The following KLHL1 variants were observed in gnomAD, a reference collection of about 807,000 sequenced individuals.
The protein encoded by KLHL1 is kelch like family member 1, also known as kelch-like protein 1.
Under a neutral mutation model 77.7 loss-of-function variants are expected in KLHL1, and 47 were observed. That is an observed-to-expected ratio of 0.60 (90% CI 0.48 to 0.77). KLHL1 has a LOEUF of 0.77. KLHL1 is among the 30% of genes least tolerant of loss of function. The probability of loss-of-function intolerance (pLI) is 0.00; values close to 1 mark genes in which losing one functional copy is unlikely to be tolerated. For synonymous variants in KLHL1, 360 were observed against 325.2 expected (o/e 1.11, Z -1.15); for missense variants, 925 against 910.8 (o/e 1.02, Z -0.20).
rs200544811 is a variant in KLHL1, at chr13:70,107,341, A to C, written c.359T>G (p.Phe120Cys). The change falls in exon 1 of 11, where the codon TTC becomes TGC. Residue 120 changes from phenylalanine (F) to cysteine (C), a missense_variant. Transcript: ENST00000377844. ...QGTQQPARTLFYVESLEEEVV... is the reference protein window; with the variant it reads ...QGTQQPARTLCYVESLEEEVV... ...CTCCTCCTCTAGTGACTCCACGTAGAAGAGAGTCCTGGCTGGCTGCTGAGT... is the reference window on the plus strand; with the variant it reads ...CTCCTCCTCTAGTGACTCCACGTAGCAGAGAGTCCTGGCTGGCTGCTGAGT... 6.2e-7 allele frequency: 1 copy of C among 1,614,026 alleles called. No individual in the cohort carries two copies. The highest frequency in any genetic ancestry group is 1.3e-5 in the African/African-American group (1 of 74,904).
chr13:69,994,288 G>C (rs1885095039), intron 1 of KLHL1, among the ~76,000 whole-genome samples: 1 of 152,038 alleles, frequency 6.6e-6, no homozygotes, highest in Non-Finnish European at 1.5e-5. Context: ...CTGAGACTTG[G>C]AGACAATTAG....
At chr13:70,021,972 G>A (rs949625614) in intron 1 of KLHL1, among the ~76,000 whole-genome samples, 1 of 151,902 alleles carries the variant, frequency 6.6e-6, no homozygotes, top group Non-Finnish European at 1.5e-5. Context: ...CTGTTGCAGA[G>A]CAGAAACTTT....
At chr13:69,782,134 T>C (rs1235363365) in intron 7 of KLHL1, among the ~76,000 whole-genome samples, 1 of 148,748 alleles carries the variant, frequency 6.7e-6, no homozygotes. Flanking sequence ...AGCTCTCTCT[T>C]GGAAGATGAA....
intron 1 of KLHL1, among the ~76,000 whole-genome samples, chr13:70,032,282 G>A (rs936506323): frequency 2.6e-5 from 4 of 152,138 alleles, no homozygotes; most frequent in South Asian, 2.1e-4. Flanking sequence ...CAAAATCCCC[G>A]AAGTCCAAAA....
rs115311475 is a variant in KLHL1 at position 69,849,075 on chromosome 13, C to A, written c.1228-9913G>T. 4.5e-3 allele frequency among the ~76,000 whole-genome samples: 688 copies of A among 151,612 alleles called. 11 individuals carry two copies. Among genetic ancestry groups the A allele is most frequent in the African/African-American group, 0.016 (659 of 41,458 alleles). ...GATTTAATTGCATCCGATTTGGGCT[C>A]AGCACTTTTCATTCCTTCATTCCTT... On this transcript the variant is annotated intron_variant, in intron 5 of 10. Transcript: ENST00000377844.
At chr13:69,984,495 G>C (rs896244543) in intron 1 of KLHL1, among the ~76,000 whole-genome samples, 1 of 152,084 alleles carries the variant, frequency 6.6e-6, no homozygotes, top group African/African-American at 2.4e-5. Context: ...AAAAGATTAG[G>C]GTGGGGCAGC....
Position 70,071,901 on chromosome 13 carries a change from A to G in KLHL1, c.497+35302T>C, listed in dbSNP as rs9529677. Among the ~76,000 whole-genome samples, 525 of 152,186 alleles carry G rather than the reference A, an allele frequency of 3.4e-3. 1 individual carries two copies. Among genetic ancestry groups the G allele is most frequent in the Non-Finnish European group, 6.0e-3 (405 of 67,998 alleles). On this transcript the variant is annotated intron_variant, in intron 1 of 10. Coordinates refer to ENST00000377844, the MANE Select transcript of KLHL1 (RefSeq NM_020866.3). Reference sequence around the variant, plus strand: ...ATAATCTATTCTTCAGCCCCCCAAAACTGGAAACAGAAGAGAAAATTAAGC... The same window carrying G: ...ATAATCTATTCTTCAGCCCCCCAAAGCTGGAAACAGAAGAGAAAATTAAGC...
chr13:69,939,359 A>ATATATATACATATACATAC (rs1566424732), intron 4 of KLHL1, among the ~76,000 whole-genome samples: 4 of 91,212 alleles, frequency 4.4e-5, no homozygotes, highest in African/African-American at 1.3e-4. Context: ...ATATATATAT[A>ATATATATACATATACATAC]TATATATATA....
At chr13:69,826,811 T>C (rs1301389472) in intron 6 of KLHL1, among the ~76,000 whole-genome samples, 1 of 152,070 alleles carries the variant, frequency 6.6e-6, no homozygotes, top group African/African-American at 2.4e-5. Flanking sequence ...AGAGAATATA[T>C]GGCTGTGAAA....
intron 7 of KLHL1, among the ~76,000 whole-genome samples, chr13:69,764,309 T>C (rs78415542): frequency 1.3e-5 from 2 of 152,142 alleles, no homozygotes; most frequent in South Asian, 4.1e-4. Flanking sequence ...ATCACTTTCC[T>C]TTTTCTGTAC....
chr13:69,838,890 T>A, intron 6 of KLHL1, 86 bp downstream of exon 6: 1 of 826,120 alleles, frequency 1.2e-6, no homozygotes, highest in Non-Finnish European at 1.7e-6. Context: ...GTTTATGTCA[T>A]TTTTTGTAGT....
chr13:69,858,636 C>A (rs1308845190), intron 5 of KLHL1, among the ~76,000 whole-genome samples: 2 of 151,824 alleles, frequency 1.3e-5, no homozygotes, highest in Non-Finnish European at 2.9e-5. Flanking sequence ...TGAACTATCA[C>A]AATTCACTAA....
At chr13:70,002,172 T>C (rs1885308149) in intron 1 of KLHL1, among the ~76,000 whole-genome samples, 1 of 151,540 alleles carries the variant, frequency 6.6e-6, no homozygotes, top group African/African-American at 2.4e-5. Context: ...AAAATCAATG[T>C]TTATAATGCA....
At position 69,882,332 on chromosome 13, in the gene KLHL1, T is replaced by G; in HGVS notation, c.1178A>C (p.Asp393Ala). 6.2e-7 allele frequency: 1 copy of G among 1,614,000 alleles called. No individual in the cohort carries two copies. The highest frequency in any genetic ancestry group is 8.5e-7 in the Non-Finnish European group (1 of 1,179,878). ...TATAAAGGCAAGAAGCATGCTCAGG[T>G]CATTGCATCTACTCTGCATGTCATA... ...VKYDMQSRCN[D>A]LSMLLAFIRL... Residue 393 changes from aspartate to alanine, a missense_variant, in exon 5 of 11, where the codon GAC becomes GCC. Transcript: ENST00000377844.
intron 5 of KLHL1, among the ~76,000 whole-genome samples, chr13:69,854,738 C>A (rs1223559541): frequency 6.6e-6 from 1 of 151,998 alleles, no homozygotes; most frequent in Non-Finnish European, 1.5e-5. Context: ...GTTTCTAGAA[C>A]ACAAAATTAT....
chr13:69,784,977 C>T lies in KLHL1; in HGVS notation c.1639+11761G>A, dbSNP rs930529564. Among the ~76,000 whole-genome samples, 8 of 147,784 alleles carry T rather than the reference C, an allele frequency of 5.4e-5. No individual in the cohort carries two copies. In the East Asian group the frequency reaches 8.1e-4, roughly 15 times the overall value. On this transcript the variant is annotated intron_variant, in intron 7 of 10. Transcript: ENST00000377844. ...GGATCTCAGCTCACTGCAAGCTCCG[C>T]CTCCCGGGTTCACGCCATTCTCCTG...
intron 7 of KLHL1, among the ~76,000 whole-genome samples, chr13:69,781,943 C>T (rs138704495): frequency 6.6e-6 from 1 of 152,198 alleles, no homozygotes; most frequent in East Asian, 1.9e-4. Context: ...GAGATGACAT[C>T]AATTGTAGAT....
chr13:70,045,922 T>C (rs1363919767), intron 1 of KLHL1, among the ~76,000 whole-genome samples: 1 of 152,200 alleles, frequency 6.6e-6, no homozygotes, highest in Non-Finnish European at 1.5e-5. Flanking sequence ...TGCCTGAAAA[T>C]TGCCTCATCC....
intron 4 of KLHL1, among the ~76,000 whole-genome samples, chr13:69,904,877 G>T (rs78391032): frequency 0.074 from 11,290 of 152,000 alleles, 504 homozygotes; most frequent in African/African-American, 0.12. Flanking sequence ...TCATTACCAA[G>T]GATTTGTAGT....
Sources: allele counts gnomAD v4.1 joint callset (sites outside exome capture counted in the v4.1 genomes callset), GRCh38; gene constraint gnomAD v4.1.1; transcripts MANE v1.5; gene names NCBI Gene and HGNC (gene_info 2026-07-23, HGNC 2026-07-21).